SCN4A: variants seen among roughly 807,000 people sequenced by gnomAD.
The protein encoded by SCN4A is sodium voltage-gated channel alpha subunit 4, also known as sodium channel protein type 4 subunit alpha.
Under a neutral mutation model 162.0 loss-of-function variants are expected in SCN4A, and 83 were observed. That is an observed-to-expected ratio of 0.51 (90% CI 0.43 to 0.61). SCN4A has a LOEUF of 0.61. Among genes scored for constraint, SCN4A ranks in the 20% least tolerant of loss-of-function variants. The probability of loss-of-function intolerance (pLI) is 0.00; values close to 1 mark genes in which losing one functional copy is unlikely to be tolerated. For synonymous variants in SCN4A, 944 were observed against 985.1 expected, an observed-to-expected ratio of 0.96 and a Z score of 0.78; for missense variants, 2,196 against 2,462.5, an observed-to-expected ratio of 0.89 and a Z score of 2.29.
intron 8 of SCN4A, 24 bp downstream of exon 8, chr17:63,966,078 G>A (rs1314662299): frequency 6.4e-7 from 1 of 1,554,452 alleles, no homozygotes; most frequent in Non-Finnish European, 8.7e-7. Context: ...GTAGGGTTGG[G>A]GGGCAGGGTG....
rs752107582 is a variant in SCN4A at position 63,941,384 on chromosome 17, T to G, written c.4898A>C (p.Gln1633Pro). The change falls in exon 24 of 24, where the codon CAG becomes CCG. Residue 1633 changes from glutamine to proline, a missense_variant. Gln to Pro is a moderately conservative substitution (Grantham distance 76). Coordinates refer to ENST00000435607, the MANE Select transcript of SCN4A (RefSeq NM_000334.4). The surrounding 1 kb of genome is among the most constrained non-coding windows in gnomAD (Gnocchi z 6.2). Reference protein sequence around the residue: ...TWEKFDPDATQFIAYSRLSDF... With the variant: ...TWEKFDPDATPFIAYSRLSDF... ...TGAGAGGCGGCTGTAGGCGATGAACTGGGTGGCGTCGGGGTCGAACTTCTC... is the reference window on the plus strand; with the variant it reads ...TGAGAGGCGGCTGTAGGCGATGAACGGGGTGGCGTCGGGGTCGAACTTCTC... 1 of 1,613,918 alleles carries G rather than the reference T, an allele frequency of 6.2e-7. No individual in the cohort carries two copies. The highest frequency in any genetic ancestry group is 8.5e-7 in the Non-Finnish European group (1 of 1,179,892).
rs1274766885 is a variant in SCN4A at position 63,951,143 on chromosome 17, G to A, written c.2853+281C>T. 6.6e-6 allele frequency among the ~76,000 whole-genome samples: 1 copy of A among 152,222 alleles called. No individual in the cohort carries two copies. Among genetic ancestry groups the A allele is most frequent in the Non-Finnish European group, 1.5e-5 (1 of 68,030 alleles). ...GCATGTCCAAGGGCACCACCTGCTG[G>A]TGAGAGGGGCCCAGGTGTTCTGGTC... is the stretch of plus-strand genomic sequence containing the variant. On this transcript the variant is annotated intron_variant, in intron 14 of 23. Coordinates refer to ENST00000435607, the MANE Select transcript of SCN4A (RefSeq NM_000334.4). This position sits in a 1 kb window ranked among gnomAD's most constrained non-coding sequence, Gnocchi z 4.5.
intron 8 of SCN4A, 84 bp from the exon 9 acceptor site, chr17:63,964,761 C>G (rs1909385089): frequency 2.8e-6 from 3 of 1,080,384 alleles, no homozygotes; most frequent in Non-Finnish European, 2.7e-6. Context: ...CATCCATTGC[C>G]CGCATGGGTA....
Position 63,941,587 on chromosome 17 carries a change from C to T in SCN4A, c.4695G>A (p.Lys1565=), listed in dbSNP as rs1908534074. The change falls in exon 24 of 24, where the codon AAG becomes AAA. Residue 1565 remains lysine, a synonymous_variant. Transcript: ENST00000435607. This position sits in a 1 kb window ranked among gnomAD's most constrained non-coding sequence, Gnocchi z 6.2. ...PNLENPGTSV[K]GDCGNPSIGI... ...CGATGGAGGGGTTGCCGCAGTCACC[C>T]TTGACACTGGTGCCCGGGTTCTCCA... The T allele has an allele frequency of 6.2e-7, 1 of 1,613,940 alleles. No individual in the cohort carries two copies.
At position 63,963,760 on chromosome 17, in the gene SCN4A, G is replaced by A; in HGVS notation, c.1518C>T (p.Cys506=). 6.2e-7 allele frequency: 1 copy of A among 1,609,264 alleles called. No homozygotes were observed. The highest frequency in any genetic ancestry group is 8.5e-7 in the Non-Finnish European group (1 of 1,178,318). The change falls in exon 10 of 24, where the codon TGC becomes TGT. Residue 506 remains cysteine, a synonymous_variant. Coordinates refer to ENST00000435607, the MANE Select transcript of SCN4A (RefSeq NM_000334.4). ...ADGDPAHGKD[C]NGSLDTSQGE... ...CTTGCGATGTGTCCAGGCTGCCATT[G>A]CAGTCTTTGCCATGGGCTGGGTCCC...
Position 63,942,876 on chromosome 17 carries a change from G to A in SCN4A, c.4238C>T (p.Thr1413Ile), listed in dbSNP as rs1312318691. 9.9e-6 allele frequency: 16 copies of A among 1,614,044 alleles called. No individual in the cohort carries two copies. The highest frequency in any genetic ancestry group is 1.4e-5 in the Non-Finnish European group (16 of 1,179,896). Residue 1413 changes from threonine to isoleucine, a missense_variant, in exon 23 of 24, where the codon ACC becomes ATC. Thr to Ile is a moderately conservative substitution (Grantham distance 89). Transcript: ENST00000435607. ...GAAGTCAAAGATGTTCCAGCCAACG[G>A]TGAAGTAGTACTGGCGCAGGGCGAG... ...KMLALRQYYF[T>I]VGWNIFDFVV... is the part of the protein sequence containing the mutation.
chr17:63,968,133 T>C lies in SCN4A; in HGVS notation c.926A>G (p.Asn309Ser). ...TGAGTCATTGCCGTACCACATCTCA[T>C]TGCCATACCATGTGTCATTGCCGTA... is the stretch of plus-strand genomic sequence containing the variant. ...TWYGNDTWYG[N>S]EMWYGNDSWY... Residue 309 changes from asparagine to serine, a missense_variant, in exon 6 of 24, where the codon AAT becomes AGT. Transcript: ENST00000435607. The C allele has an allele frequency of 6.2e-7, 1 of 1,613,886 alleles. No individual in the cohort carries two copies. The highest frequency in any genetic ancestry group is 8.5e-7 in the Non-Finnish European group (1 of 1,179,840).
At chr17:63,964,386 C>T (rs541435898) in intron 9 of SCN4A, 82 bp downstream of exon 9, 7 of 1,280,662 alleles carry the variant, frequency 5.5e-6, no homozygotes, top group African/African-American at 1.5e-5. Flanking sequence ...CACCCTCGGC[C>T]CCCCAGGGAG....
chr17:63,945,811 G>T lies in SCN4A; in HGVS notation c.3442-173C>A, dbSNP rs1482655556. ...GTGTGCAGGTTGGGGGTGGTAAGGGGGAGGGGGAGGGAGCTGCAGGCCTGG... is the reference window on the plus strand; with the variant it reads ...GTGTGCAGGTTGGGGGTGGTAAGGGTGAGGGGGAGGGAGCTGCAGGCCTGG... On this transcript the variant is annotated intron_variant, in intron 18 of 23. Transcript: ENST00000435607. The surrounding 1 kb of genome is among the most constrained non-coding windows in gnomAD (Gnocchi z 4.4). Among the ~76,000 whole-genome samples, 2 of 151,902 alleles carry T rather than the reference G, an allele frequency of 1.3e-5. No homozygotes were observed. The highest frequency in any genetic ancestry group is 4.8e-5 in the African/African-American group (2 of 41,358).
At chr17:63,964,759 G>T in intron 8 of SCN4A, 82 bp from the exon 9 acceptor site, 2 of 1,083,194 alleles carry the variant, frequency 1.8e-6, no homozygotes, top group Non-Finnish European at 2.7e-6. Flanking sequence ...TACATCCATT[G>T]CCCGCATGGG....
At position 63,951,722 on chromosome 17, in the gene SCN4A, T is replaced by C; in HGVS notation, c.2555A>G (p.Lys852Arg). 1 of 1,593,900 alleles carries C rather than the reference T, an allele frequency of 6.3e-7. No homozygotes were observed. The highest frequency in any genetic ancestry group is 1.3e-5 in the African/African-American group (1 of 74,642). Residue 852 changes from lysine to arginine, a missense_variant, in exon 14 of 24, where the codon AAG becomes AGG. By Grantham distance (26) the Lys-to-Arg change is conservative. Coordinates refer to ENST00000435607, the MANE Select transcript of SCN4A (RefSeq NM_000334.4). The surrounding 1 kb of genome is among the most constrained non-coding windows in gnomAD (Gnocchi z 4.5). ...CTCCCCGAGGCTGAGCATGATGTCC[T>C]TGGGGCTCAGGATCTTGCCATGCAG... ...GLLHGKILSP[K>R]DIMLSLGEAD...
rs1351156473 is a variant in SCN4A, at chr17:63,945,772, CT to C, written c.3442-135del. 1 of 585,794 alleles carries C rather than the reference CT, an allele frequency of 1.7e-6. No individual in the cohort carries two copies. The highest frequency in any genetic ancestry group is 2.9e-6 in the Non-Finnish European group (1 of 350,494). The allele number at this position is 585,794 out of a possible 1,614,324, so 36.3% of individuals were successfully genotyped here. On this transcript the variant is annotated intron_variant, in intron 18 of 23. Coordinates refer to ENST00000435607, the MANE Select transcript of SCN4A (RefSeq NM_000334.4). This position sits in a 1 kb window ranked among gnomAD's most constrained non-coding sequence, Gnocchi z 4.4. ...GAGGGCTTCCTAGAGGAGGGCCGAC[CT>C]GCTGGGCTGTGTGTGTGCAGGTTGG...
At chr17:63,961,099 C>T (rs1597979936) in intron 11 of SCN4A, 94 bp downstream of exon 11, 1 of 776,730 alleles carries the variant, frequency 1.3e-6, no homozygotes, top group East Asian at 2.7e-5. Context: ...TGTCCCCCAC[C>T]GTGCCCTATA....
At chr17:63,946,472 C>A (rs908637507) in intron 18 of SCN4A, among the ~76,000 whole-genome samples, 1 of 128,892 alleles carries the variant, frequency 7.8e-6, no homozygotes, top group South Asian at 2.5e-4. Flanking sequence ...GCCCCCCCCC[C>A]CACCCCGCCG....
chr17:63,967,446 C>G (rs1489542816), intron 6 of SCN4A, among the ~76,000 whole-genome samples: 1 of 151,934 alleles, frequency 6.6e-6, no homozygotes, highest in African/African-American at 2.4e-5. Context: ...AGCCACCGTG[C>G]CTGGCACTTT....
Position 63,941,018 on chromosome 17 carries a change from C to A in SCN4A, c.5264G>T (p.Arg1755Leu). 6.2e-6 allele frequency: 10 copies of A among 1,613,776 alleles called. No homozygotes were observed. The highest frequency in any genetic ancestry group is 8.5e-6 in the Non-Finnish European group (10 of 1,179,718). Residue 1755 changes from arginine (R) to leucine (L), a missense_variant, in exon 24 of 24, where the codon CGC becomes CTC. Coordinates refer to ENST00000435607, the MANE Select transcript of SCN4A (RefSeq NM_000334.4). This position sits in a 1 kb window ranked among gnomAD's most constrained non-coding sequence, Gnocchi z 6.2. ...RSMKQASYMYRHSHDGSGDDA... is the reference protein window; with the variant it reads ...RSMKQASYMYLHSHDGSGDDA... Reference sequence around the variant, plus strand: ...ATCCCCGCTGCCGTCGTGGCTGTGGCGGTACATGTAGGATGCCTGCTTCAT... The same window carrying A: ...ATCCCCGCTGCCGTCGTGGCTGTGGAGGTACATGTAGGATGCCTGCTTCAT...
At chr17:63,955,927 A>G (rs1334690978) in intron 13 of SCN4A, among the ~76,000 whole-genome samples, 1 of 152,212 alleles carries the variant, frequency 6.6e-6, no homozygotes, top group Non-Finnish European at 1.5e-5. Context: ...TTTGGGGAAC[A>G]TGGGGACAGG....
Position 63,971,711 on chromosome 17 carries a change from C to T in SCN4A, c.611+11G>A. On this transcript the variant is annotated intron_variant, in intron 4 of 23. Transcript: ENST00000435607. ...ACCCCAGCCTCAGGATGTCCTGGGG[C>T]CCCTGCTCACGCCATCATGATGACA... The T allele has an allele frequency of 1.9e-6, 3 of 1,576,018 alleles. No homozygotes were observed. The highest frequency in any genetic ancestry group is 2.6e-6 in the Non-Finnish European group (3 of 1,161,266).
intron 10 of SCN4A, among the ~76,000 whole-genome samples, chr17:63,962,054 GC>G (rs1909281518): frequency 6.6e-6 from 1 of 150,844 alleles, no homozygotes; most frequent in Non-Finnish European, 1.5e-5. Flanking sequence ...GCCTTTCAAT[GC>G]CCTGCCTCAA....
Sources: allele counts gnomAD v4.1 joint callset (sites outside exome capture counted in the v4.1 genomes callset), GRCh38; gene constraint gnomAD v4.1.1; non-coding constraint Gnocchi (gnomAD v3.1); transcripts MANE v1.5; gene names NCBI Gene and HGNC (gene_info 2026-07-23, HGNC 2026-07-21).